FAM227A: variants seen among roughly 807,000 people sequenced by gnomAD.
FAM227A encodes family with sequence similarity 227 member A.
FAM227A carries 80 observed loss-of-function variants against 74.7 expected under a neutral mutation model. The observed-to-expected ratio is 1.07, with a 90% confidence interval of 0.89 to 1.29. The LOEUF is 1.29. Ranked by LOEUF, FAM227A falls within the 50% of genes most tolerant of loss-of-function variation. FAM227A has a pLI of 0.00. For missense variants in FAM227A, 654 were observed against 683.4 expected, an observed-to-expected ratio of 0.96 and a Z score of 0.48; for synonymous variants, 237 against 241.8, an observed-to-expected ratio of 0.98 and a Z score of 0.19.
rs2092389537 is a variant in FAM227A at position 38,656,160 on chromosome 22, C to A, written c.-135G>T. On this transcript the variant is annotated 5_prime_UTR_variant, in exon 1 of 17. An upstream open reading frame in the 5' UTR gains an earlier in-frame stop. Transcript: ENST00000535113. ...GAATTTGACGAACCCGGGGCCGGTC[C>A]CGCCACGGGTCCCTCAGGGGACCCC... The A allele has an allele frequency of 6.6e-6, 1 of 152,274 alleles. No individual in the cohort carries two copies. The highest frequency in any genetic ancestry group is 2.1e-4 in the South Asian group (1 of 4,838). The allele number at this position is 152,274 out of a possible 1,614,324, so 9.4% of individuals were successfully genotyped here.
chr22:38,586,347 G>T, intron 16 of FAM227A, 148 bp from the exon 17 acceptor site: 2 of 868,774 alleles, frequency 2.3e-6, no homozygotes, highest in Non-Finnish European at 3.5e-6. Flanking sequence ...AGAGAAAGTG[G>T]TCGAGCAGGA....
chr22:38,627,584 TGGAAAG>T (rs1282263606), intron 8 of FAM227A, among the ~76,000 whole-genome samples: 9 of 150,980 alleles, frequency 6.0e-5, no homozygotes, highest in Non-Finnish European at 1.2e-4. Flanking sequence ...AATAATAAAA[TGGAAAG>T]GGAAAGTTTT....
At chr22:38,632,580 G>C (rs1013539860) in intron 6 of FAM227A, among the ~76,000 whole-genome samples, 1 of 152,148 alleles carries the variant, frequency 6.6e-6, no homozygotes, top group Non-Finnish European at 1.5e-5. Flanking sequence ...TGTGATAGCA[G>C]CACAAAGAGA....
intron 6 of FAM227A, among the ~76,000 whole-genome samples, chr22:38,634,888 C>T (rs937083393): frequency 7.9e-5 from 12 of 151,922 alleles, no homozygotes; most frequent in African/African-American, 1.2e-4. Context: ...TTAGGAAGTC[C>T]GAATGTAAGA....
At chr22:38,630,047 A>C (rs1247475106) in intron 6 of FAM227A, among the ~76,000 whole-genome samples, 4 of 136,620 alleles carry the variant, frequency 2.9e-5, no homozygotes, top group African/African-American at 8.4e-5. Flanking sequence ...CTTCTTTGCC[A>C]TCACTCACAC....
chr22:38,607,176 CAAAAAAA>C (rs528873313), intron 12 of FAM227A, among the ~76,000 whole-genome samples: 8 of 55,678 alleles, frequency 1.4e-4, no homozygotes, highest in African/African-American at 3.6e-4. Flanking sequence ...GACTTCATCT[CAAAAAAA>C]AAAAAAAAAA....
chr22:38,599,794 A>G lies in FAM227A; in HGVS notation c.1349T>C (p.Ile450Thr). Residue 450 changes from isoleucine to threonine, a missense_variant, in exon 14 of 17, where the codon ATA becomes ACA. By Grantham distance (89) the Ile-to-Thr change is moderately conservative. Coordinates refer to ENST00000535113, the MANE Select transcript of FAM227A (RefSeq NM_001013647.2). ...GCTCGTGGTCTTTTCCCTTCTGACT[A>G]TCAACACATTCTTGCCGTGCTGCTG... is the stretch of plus-strand genomic sequence containing the variant. ...SLQQHGKNVL[I>T]VRREKTTSTP... 1.3e-6 allele frequency: 2 copies of G among 1,551,436 alleles called. No individual in the cohort carries two copies. The highest frequency in any genetic ancestry group is 1.7e-6 in the Non-Finnish European group (2 of 1,146,864).
intron 16 of FAM227A, among the ~76,000 whole-genome samples, chr22:38,589,791 A>G (rs1402338640): frequency 6.6e-6 from 1 of 152,198 alleles, no homozygotes. Context: ...TTTTATTTCC[A>G]GCAAAACATT....
chr22:38,626,913 T>TATATATATATATAC lies in FAM227A; in HGVS notation c.727-611_727-610insGTATATATATATAT, dbSNP rs34078214. ...AAAAATATATATATATATATATATA[T>TATATATATATATAC]ACACGTATATATATTCTATATATAG... On this transcript the variant is annotated intron_variant, in intron 8 of 16. Coordinates refer to ENST00000535113, the MANE Select transcript of FAM227A (RefSeq NM_001013647.2). Among the ~76,000 whole-genome samples, 119 of 89,790 alleles carry TATATATATATATAC rather than the reference T, an allele frequency of 1.3e-3. 2 individuals carry two copies. Among genetic ancestry groups the TATATATATATATAC allele is most frequent in the African/African-American group, 3.6e-3 (86 of 23,792 alleles). 58.9% of individuals were successfully genotyped at this position (89,790 alleles called of 152,430 possible).
At chr22:38,626,076 T>C in intron 9 of FAM227A, 104 bp downstream of exon 9, 1 of 1,138,282 alleles carries the variant, frequency 8.8e-7, no homozygotes, top group Admixed American at 2.4e-5. Flanking sequence ...AAAGAGAGAA[T>C]GCCTTCATGA....
At chr22:38,624,203 G>A (rs538652892) in intron 9 of FAM227A, among the ~76,000 whole-genome samples, 5 of 152,136 alleles carry the variant, frequency 3.3e-5, no homozygotes, top group African/African-American at 9.6e-5. Context: ...TCAGGAGTTC[G>A]AGACCAGCCT....
intron 6 of FAM227A, among the ~76,000 whole-genome samples, chr22:38,630,324 G>A (rs1262238238): frequency 1.3e-5 from 2 of 152,218 alleles, no homozygotes; most frequent in African/African-American, 4.8e-5. Context: ...CCCGCTCTTT[G>A]CTTTGTCTTT....
chr22:38,586,653 C>T (rs184742959), intron 16 of FAM227A, among the ~76,000 whole-genome samples: 20 of 152,184 alleles, frequency 1.3e-4, no homozygotes, highest in Admixed American at 2.6e-4. Flanking sequence ...TAATATTTCA[C>T]GAAAGCATTA....
intron 10 of FAM227A, among the ~76,000 whole-genome samples, 189 bp from the exon 11 acceptor site, chr22:38,620,480 T>C (rs533789541): frequency 9.9e-5 from 15 of 152,250 alleles, no homozygotes; most frequent in Non-Finnish European, 1.9e-4. Flanking sequence ...ACTATCTCCC[T>C]CTAGGGTGAA....
intron 11 of FAM227A, among the ~76,000 whole-genome samples, chr22:38,615,725 G>A (rs937162347): frequency 3.9e-5 from 6 of 152,232 alleles, no homozygotes; most frequent in African/African-American, 1.4e-4. Flanking sequence ...ATGCAATGAA[G>A]AAGTTATTGG....
intron 11 of FAM227A, among the ~76,000 whole-genome samples, chr22:38,617,439 G>A (rs1227760782): frequency 6.6e-6 from 1 of 151,964 alleles, no homozygotes; most frequent in African/African-American, 2.4e-5. Flanking sequence ...GGGACTACAG[G>A]TGTGTGCCAC....
At chr22:38,587,159 G>A (rs191960098) in intron 16 of FAM227A, among the ~76,000 whole-genome samples, 81 of 152,268 alleles carry the variant, frequency 5.3e-4, no homozygotes, top group Non-Finnish European at 9.9e-4. Context: ...AAATGCCTAT[G>A]TTTTAAAAAC....
intron 10 of FAM227A, among the ~76,000 whole-genome samples, chr22:38,622,143 C>T (rs1158282480): frequency 1.3e-5 from 2 of 152,220 alleles, no homozygotes; most frequent in African/African-American, 4.8e-5. Context: ...GAATAATCTG[C>T]CCCTTAATTT....
chr22:38,583,039 G>A lies in FAM227A; in HGVS notation c.*3086C>T, dbSNP rs1348458098. ...CAGAAATAGGAAAGTGTGGTTCCTA[G>A]AGAAACTGCAAATGAAGAGTTGACA... On this transcript the variant is annotated 3_prime_UTR_variant, in exon 17 of 17. Coordinates refer to ENST00000535113, the MANE Select transcript of FAM227A (RefSeq NM_001013647.2). 7.1e-7 allele frequency: 1 copy of A among 1,408,486 alleles called. No individual in the cohort carries two copies. Among genetic ancestry groups the A allele is most frequent in the African/African-American group, 1.4e-5 (1 of 70,202 alleles). The allele number at this position is 1,408,486 out of a possible 1,614,324, so 87.2% of individuals were successfully genotyped here.
Sources: gnomAD v4.1 joint callset for allele counts (sites outside exome capture counted in the v4.1 genomes callset) on GRCh38, gnomAD v4.1.1 for gene constraint, MANE v1.5 for transcripts, NCBI Gene and HGNC (gene_info 2026-07-23, HGNC 2026-07-21) for gene names.